The following STIM1 variants were observed in gnomAD, a reference collection of about 807,000 sequenced individuals.
The protein encoded by STIM1 is stromal interaction molecule 1.
STIM1 carries 25 observed loss-of-function variants against 74.7 expected under a neutral mutation model. The observed-to-expected ratio is 0.33, with a 90% CI of 0.24 to 0.47. The LOEUF is 0.47. Among genes scored for constraint, STIM1 ranks in the 20% least tolerant of loss-of-function variants. The probability of loss-of-function intolerance (pLI) is 1.00; values close to 1 mark genes in which losing one functional copy is unlikely to be tolerated. For synonymous variants in STIM1, 328 were observed against 348.8 expected, an observed-to-expected ratio of 0.94 and a Z score of 0.66; for missense variants, 728 against 920.8, an observed-to-expected ratio of 0.79 and a Z score of 2.71.
intron 2 of STIM1, among the ~76,000 whole-genome samples, chr11:4,016,845 G>A (rs918960718): frequency 1.3e-5 from 2 of 152,210 alleles, no homozygotes; most frequent in East Asian, 3.9e-4. Context: ...TAGCAGCAAG[G>A]AAGGCTCTGT....
chr11:3,986,839 C>T (rs2093562110), intron 2 of STIM1, among the ~76,000 whole-genome samples: 1 of 152,130 alleles, frequency 6.6e-6, no homozygotes, highest in African/African-American at 2.4e-5. Context: ...AACCATAGAG[C>T]TGTGTGCAAA....
At chr11:3,996,671 G>C (rs1417112584) in intron 2 of STIM1, among the ~76,000 whole-genome samples, 3 of 152,204 alleles carry the variant, frequency 2.0e-5, no homozygotes. Context: ...GACTCTCGCT[G>C]TTCTTAGATT....
intron 1 of STIM1, among the ~76,000 whole-genome samples, chr11:3,878,502 A>G (rs1337553415): frequency 1.3e-5 from 2 of 152,116 alleles, no homozygotes; most frequent in African/African-American, 4.8e-5. Flanking sequence ...TACTTCTTCA[A>G]TGCAAATGAG....
intron 1 of STIM1, among the ~76,000 whole-genome samples, chr11:3,886,865 G>A (rs1439259972): frequency 6.6e-6 from 1 of 151,922 alleles, no homozygotes; most frequent in Admixed American, 6.6e-5. Context: ...AGCCAGGTGT[G>A]GTGGCGGGTG....
chr11:3,915,202 A>G (rs906912654), intron 1 of STIM1, among the ~76,000 whole-genome samples: 10 of 152,052 alleles, frequency 6.6e-5, no homozygotes, highest in Admixed American at 3.9e-4. Context: ...CTCCCATTCT[A>G]TAGGTTGATT....
At chr11:3,935,033 T>C (rs1037179166) in intron 1 of STIM1, among the ~76,000 whole-genome samples, 1 of 152,248 alleles carries the variant, frequency 6.6e-6, no homozygotes, top group African/African-American at 2.4e-5. Context: ...CTCTACAGAT[T>C]ATTACTGTCA....
At chr11:4,047,105 T>C (rs910865769) in intron 3 of STIM1, among the ~76,000 whole-genome samples, 1 of 152,208 alleles carries the variant, frequency 6.6e-6, no homozygotes, top group African/African-American at 2.4e-5. Flanking sequence ...TGCCACTGTA[T>C]ATGAAGCTCT....
At chr11:4,076,941 T>A (rs1216743088) in intron 7 of STIM1, among the ~76,000 whole-genome samples, 1 of 151,718 alleles carries the variant, frequency 6.6e-6, no homozygotes, top group Non-Finnish European at 1.5e-5. Context: ...TTGGTTTGTA[T>A]AAAAAAACAA....
At chr11:3,949,331 A>T (rs1181052297) in intron 1 of STIM1, among the ~76,000 whole-genome samples, 1 of 152,210 alleles carries the variant, frequency 6.6e-6, no homozygotes, top group South Asian at 2.1e-4. Flanking sequence ...TATTTATGGA[A>T]CTGAAAGTAA....
chr11:4,058,643 T>G (rs903088091), intron 4 of STIM1: 16 of 266,992 alleles, frequency 6.0e-5, no homozygotes, highest in Non-Finnish European at 8.7e-5. Context: ...AGGCTTTCTC[T>G]TATTAAAGTT....
At chr11:3,856,631 A>AT (rs951856490) in intron 1 of STIM1, among the ~76,000 whole-genome samples, 13 of 152,044 alleles carry the variant, frequency 8.6e-5, no homozygotes, top group African/African-American at 2.2e-4. Context: ...CGCACTCAGG[A>AT]TTTTTTTTGT....
chr11:4,084,721 C>G lies in STIM1; in HGVS notation c.1523C>G (p.Ser508Cys), dbSNP rs2094482921. ...GRRFSDRSLC[S>C]TSAGSDDQSL... Reference sequence around the variant, plus strand: ...AGGTTCAGTGACCGCTCTCTCTGCTCTACATCCGCCGGCTCGGATGATCAG... The same window carrying G: ...AGGTTCAGTGACCGCTCTCTCTGCTGTACATCCGCCGGCTCGGATGATCAG... Residue 508 changes from serine to cysteine, a missense_variant, in exon 11 of 13, where the codon TCT becomes TGT. Physicochemically the swap from Ser to Cys is moderately radical, Grantham distance 112. Transcript: ENST00000526596. The G allele has an allele frequency of 7.8e-7, 1 of 1,289,462 alleles. No individual in the cohort carries two copies. Among genetic ancestry groups the G allele is most frequent in the Non-Finnish European group, 1.0e-6 (1 of 988,882 alleles). The allele number at this position is 1,289,462 out of a possible 1,614,324, so 79.9% of individuals were successfully genotyped here.
chr11:3,885,577 G>A (rs1400341826), intron 1 of STIM1, among the ~76,000 whole-genome samples: 2 of 151,820 alleles, frequency 1.3e-5, no homozygotes, highest in East Asian at 3.9e-4. Context: ...GTCTTCTCCC[G>A]GTACTTCAGC....
intron 3 of STIM1, among the ~76,000 whole-genome samples, chr11:4,045,262 T>G (rs2094181464): frequency 6.6e-6 from 1 of 152,118 alleles, no homozygotes; most frequent in African/African-American, 2.4e-5. Context: ...TTGGCAGCAG[T>G]GGCAGGAGTG....
intron 1 of STIM1, among the ~76,000 whole-genome samples, chr11:3,935,055 C>A (rs1255978455): frequency 6.6e-6 from 1 of 152,252 alleles, no homozygotes; most frequent in Non-Finnish European, 1.5e-5. Flanking sequence ...CTTTTCGCAG[C>A]TGCAGTTGCA....
intron 5 of STIM1, among the ~76,000 whole-genome samples, chr11:4,062,883 G>GA (rs35345437): frequency 0.54 from 81,929 of 151,568 alleles, 22,831 homozygotes; most frequent in East Asian, 0.64. Flanking sequence ...TTGATGAATG[G>GA]AAAAAAAATG....
chr11:4,014,030 T>G (rs1239524777), intron 2 of STIM1, among the ~76,000 whole-genome samples: 2 of 152,100 alleles, frequency 1.3e-5, no homozygotes, highest in Admixed American at 6.6e-5. Context: ...TTTGAAGGGT[T>G]TTTTGTGTCT....
At chr11:3,943,881 C>T (rs573417502) in intron 1 of STIM1, among the ~76,000 whole-genome samples, 3 of 152,340 alleles carry the variant, frequency 2.0e-5, no homozygotes, top group South Asian at 2.1e-4. Flanking sequence ...CAAATTATCA[C>T]GTATATACAC....
intron 3 of STIM1, among the ~76,000 whole-genome samples, chr11:4,038,250 G>C (rs1302779909): frequency 7.2e-5 from 11 of 151,998 alleles, no homozygotes; most frequent in African/African-American, 2.7e-4. Context: ...GGTCAGGCTG[G>C]TCTCGAACTC....
Sources: allele counts gnomAD v4.1 joint callset (sites outside exome capture counted in the v4.1 genomes callset), GRCh38; gene constraint gnomAD v4.1.1; transcripts MANE v1.5; gene names NCBI Gene and HGNC (gene_info 2026-07-23, HGNC 2026-07-21).